Variants in CDH1 observed in about 807,000 individuals in gnomAD.
The protein encoded by CDH1 is cadherin 1.
Under a neutral mutation model 84.5 loss-of-function variants are expected in CDH1, and 35 were observed. The ratio of observed to expected loss-of-function variants is 0.41; its 90% confidence interval spans 0.32 to 0.55. CDH1 has a LOEUF of 0.55. Ranked by LOEUF, CDH1 falls within the 20% of genes least tolerant of loss-of-function variation. The probability of loss-of-function intolerance (pLI) is 0.19; values close to 1 mark genes in which losing one functional copy is unlikely to be tolerated. For missense variants in CDH1, 994 were observed against 1,126.6 expected (o/e 0.88, Z 1.68); for synonymous variants, 417 against 439.0 (o/e 0.95, Z 0.63).
intron 10 of CDH1, among the ~76,000 whole-genome samples, chr16:68,818,867 AAAAG>A (rs1239836338): frequency 2.0e-5 from 3 of 147,212 alleles, no homozygotes; most frequent in Non-Finnish European, 4.4e-5. Flanking sequence ...AAAAAAAAAA[AAAAG>A]AAAGAAAGGG....
chr16:68,780,370 T>C (rs1332729152), intron 2 of CDH1, among the ~76,000 whole-genome samples: 2 of 152,168 alleles, frequency 1.3e-5, no homozygotes, highest in Non-Finnish European at 2.9e-5. Flanking sequence ...GGCATGATTT[T>C]GGCTCACTGC....
chr16:68,775,889 G>A (rs1040909698), intron 2 of CDH1, among the ~76,000 whole-genome samples: 1 of 152,188 alleles, frequency 6.6e-6, no homozygotes, highest in African/African-American at 2.4e-5. Context: ...CATTTCCCCT[G>A]TCTTCCACAG....
chr16:68,756,712 A>G (rs1963027117), intron 2 of CDH1, among the ~76,000 whole-genome samples: 1 of 152,194 alleles, frequency 6.6e-6, no homozygotes, highest in Admixed American at 6.5e-5. Flanking sequence ...TCAAGTCTGC[A>G]TTTAAAAAGA....
intron 2 of CDH1, among the ~76,000 whole-genome samples, chr16:68,782,967 A>G (rs2152122261): frequency 6.6e-6 from 1 of 152,314 alleles, no homozygotes; most frequent in Admixed American, 6.5e-5. Flanking sequence ...AGGACTATAT[A>G]GTCTCCCATA....
chr16:68,834,389 T>A lies in CDH1; in HGVS notation c.*890T>A. 2.4e-6 allele frequency: 1 copy of A among 415,120 alleles called. No individual in the cohort carries two copies. The highest frequency in any genetic ancestry group is 2.2e-5 in the South Asian group (1 of 46,388). 25.7% of individuals were successfully genotyped at this position (415,120 alleles called of 1,614,324 possible). On this transcript the variant is annotated 3_prime_UTR_variant, in exon 16 of 16. Coordinates refer to ENST00000261769, the MANE Select transcript of CDH1 (RefSeq NM_004360.5). ...GCAGTTCTCCCACCAGCCTCCTTTT[T>A]ATTTTTTTGTACAGATGGGGTCTTG...
intron 2 of CDH1, among the ~76,000 whole-genome samples, chr16:68,762,228 A>T (rs1349797221): frequency 2.0e-5 from 3 of 152,102 alleles, no homozygotes; most frequent in African/African-American, 7.2e-5. Flanking sequence ...TCTCAGGGCC[A>T]TCTTCGTTGT....
intron 3 of CDH1, among the ~76,000 whole-genome samples, chr16:68,805,234 G>A (rs1040889591): frequency 6.6e-5 from 10 of 151,848 alleles, no homozygotes; most frequent in African/African-American, 2.4e-4. Flanking sequence ...TGGCCAGGCT[G>A]GTCTTGAACT....
chr16:68,757,125 G>A (rs777910491), intron 2 of CDH1, among the ~76,000 whole-genome samples: 4 of 152,170 alleles, frequency 2.6e-5, no homozygotes, highest in East Asian at 1.9e-4. Context: ...GTCTTGCTCT[G>A]TCACCCAGGC....
chr16:68,797,984 C>A (rs1478814682), intron 2 of CDH1, among the ~76,000 whole-genome samples: 1 of 151,922 alleles, frequency 6.6e-6, no homozygotes, highest in East Asian at 1.9e-4. Flanking sequence ...GAGGCTGAAG[C>A]AGGAGAATTG....
In CDH1 at chr16:68,738,936, C is replaced by CTT. The variant is rs1555509828; in HGVS notation, c.163+552_163+553dup. Among the ~76,000 whole-genome samples, 12 of 11,436 alleles carry CTT rather than the reference C, an allele frequency of 1.0e-3. 4 individuals are homozygous for CTT. Among genetic ancestry groups the CTT allele is most frequent in the African/African-American group, 2.3e-3 (10 of 4,304 alleles). 7.5% of individuals were successfully genotyped at this position (11,436 alleles called of 152,430 possible). ...TGGCTTTTGTTTACAGATATAAAAG[C>CTT]TTTTTTTTTTTTTTTTTTTTTTTTT... On this transcript the variant is annotated intron_variant, in intron 2 of 15. Coordinates refer to ENST00000261769, the MANE Select transcript of CDH1 (RefSeq NM_004360.5).
At chr16:68,762,419 G>C (rs1427830754) in intron 2 of CDH1, among the ~76,000 whole-genome samples, 1 of 152,180 alleles carries the variant, frequency 6.6e-6, no homozygotes, top group African/African-American at 2.4e-5. Context: ...GCCACTCAGT[G>C]AGTAGTTTGA....
At chr16:68,811,117 G>T (rs554265285) in intron 6 of CDH1, among the ~76,000 whole-genome samples, 1 of 151,850 alleles carries the variant, frequency 6.6e-6, no homozygotes, top group African/African-American at 2.4e-5. Context: ...CACACCCTAG[G>T]CTGGGTGTGG....
rs1961579888 is a variant in CDH1 at position 68,834,288 on chromosome 16, G to A, written c.*789G>A. ...ACTCCCTGCCATTTTTTAAGAGACA[G>A]TTTCGCTCCATCGCCCAGGCCTGGG... On this transcript the variant is annotated 3_prime_UTR_variant, in exon 16 of 16. Transcript: ENST00000261769. The A allele has an allele frequency of 2.0e-6, 1 of 512,070 alleles. No homozygotes were observed. The highest frequency in any genetic ancestry group is 4.3e-5 in the East Asian group (1 of 23,144). The allele number at this position is 512,070 out of a possible 1,614,324, so 31.7% of individuals were successfully genotyped here.
chr16:68,788,074 T>G (rs1419601034), intron 2 of CDH1, among the ~76,000 whole-genome samples: 2 of 151,468 alleles, frequency 1.3e-5, no homozygotes, highest in South Asian at 2.1e-4. Flanking sequence ...TGATTCGCCC[T>G]CCTTGGCCTC....
intron 2 of CDH1, among the ~76,000 whole-genome samples, chr16:68,792,838 C>T (rs1470117918): frequency 6.6e-6 from 1 of 152,202 alleles, no homozygotes; most frequent in African/African-American, 2.4e-5. Flanking sequence ...TCTCCACCCC[C>T]GTCTGCTTTG....
At chr16:68,740,131 TC>T (rs1312682753) in intron 2 of CDH1, among the ~76,000 whole-genome samples, 178 of 142,944 alleles carry the variant, frequency 1.2e-3, no homozygotes, top group African/African-American at 4.0e-3. Flanking sequence ...TTCTCCTCTC[TC>T]ATGATTTTAC....
intron 2 of CDH1, among the ~76,000 whole-genome samples, chr16:68,748,111 CTTTTT>C (rs35209843): frequency 2.7e-5 from 3 of 113,150 alleles, no homozygotes; most frequent in Non-Finnish European, 3.6e-5. Context: ...AAATTATTTA[CTTTTT>C]TTTTTTTTTT....
intron 9 of CDH1, 134 bp downstream of exon 9, chr16:68,813,629 C>T (rs977574608): frequency 1.1e-6 from 1 of 881,446 alleles, no homozygotes; most frequent in Non-Finnish European, 1.9e-6. Context: ...TGTAGTGGAC[C>T]ATGTGGGATT....
chr16:68,775,125 CAAAAAA>C (rs58497601), intron 2 of CDH1, among the ~76,000 whole-genome samples: 3 of 108,162 alleles, frequency 2.8e-5, no homozygotes, highest in Admixed American at 9.6e-5. Context: ...GGCCCTGTCT[CAAAAAA>C]AAAAAAAAAA....
Sources: allele counts gnomAD v4.1 joint callset (sites outside exome capture counted in the v4.1 genomes callset), GRCh38; gene constraint gnomAD v4.1.1; transcripts MANE v1.5; gene names NCBI Gene and HGNC (gene_info 2026-07-23, HGNC 2026-07-21).